GPR141: variants seen among roughly 807,000 people sequenced by gnomAD.
GPR141 encodes the protein probable G protein-coupled receptor 141.
In GPR141, 6 loss-of-function variants were observed where a neutral mutation model predicts 6.8. That is an observed-to-expected ratio of 0.88 (90% CI 0.48 to 1.74). The LOEUF is 1.74. Among genes scored for constraint, GPR141 ranks in the 40% most tolerant of loss-of-function variants. GPR141 has a pLI of 0.01. For synonymous variants in GPR141, 140 were observed against 142.3 expected (o/e 0.98, Z 0.11); for missense variants, 372 against 372.9 (o/e 1.00, Z 0.02).
chr7:37,712,314 G>A (rs1048019117), intron 2 of GPR141, among the ~76,000 whole-genome samples: 5 of 152,120 alleles, frequency 3.3e-5, no homozygotes, highest in African/African-American at 1.2e-4. Context: ...TCCTGGGCTG[G>A]CCTGAATCGG....
chr7:37,706,099 T>C (rs766846886), intron 2 of GPR141, among the ~76,000 whole-genome samples: 1 of 152,218 alleles, frequency 6.6e-6, no homozygotes, highest in Non-Finnish European at 1.5e-5. Flanking sequence ...ACTACAGGTC[T>C]TCTTCCTCCA....
At chr7:37,715,922 C>A (rs570213718) in intron 2 of GPR141, among the ~76,000 whole-genome samples, 1 of 152,230 alleles carries the variant, frequency 6.6e-6, no homozygotes, top group South Asian at 2.1e-4. Flanking sequence ...CTGATTAAAC[C>A]ACCATAAGCC....
intron 2 of GPR141, among the ~76,000 whole-genome samples, chr7:37,702,265 T>C (rs2131759266): frequency 6.6e-6 from 1 of 152,290 alleles, no homozygotes; most frequent in East Asian, 1.9e-4. Flanking sequence ...TTTTAGTTTT[T>C]TGTTTACTAT....
At chr7:37,720,607 G>T (rs190662301) in intron 2 of GPR141, among the ~76,000 whole-genome samples, 1 of 152,160 alleles carries the variant, frequency 6.6e-6, no homozygotes, top group East Asian at 1.9e-4. Flanking sequence ...CAGGGGTGGT[G>T]GTGGGCACCT....
chr7:37,717,894 G>A (rs1006882803), intron 2 of GPR141, among the ~76,000 whole-genome samples: 1 of 152,168 alleles, frequency 6.6e-6, no homozygotes, highest in Non-Finnish European at 1.5e-5. Flanking sequence ...TTGCTCATGA[G>A]TATAATTGTT....
intron 2 of GPR141, among the ~76,000 whole-genome samples, chr7:37,698,193 TC>T (rs1197197863): frequency 2.0e-5 from 3 of 152,174 alleles, no homozygotes; most frequent in Admixed American, 2.0e-4. Flanking sequence ...TCATCAAGCC[TC>T]AGCTTCTCAT....
At chr7:37,732,170 G>A (rs541521623) in intron 2 of GPR141, among the ~76,000 whole-genome samples, 109 of 134,422 alleles carry the variant, frequency 8.1e-4, no homozygotes, top group Admixed American at 4.7e-4. Flanking sequence ...TTGAGATGGA[G>A]TCTCACTCTG....
At chr7:37,737,076 A>C (rs772140158) in intron 2 of GPR141, among the ~76,000 whole-genome samples, 26 of 152,318 alleles carry the variant, frequency 1.7e-4, no homozygotes, top group Non-Finnish European at 1.9e-4. Context: ...CAACACACAC[A>C]TTTTAAATGT....
intron 2 of GPR141, among the ~76,000 whole-genome samples, chr7:37,728,003 G>A (rs1192606323): frequency 1.3e-5 from 2 of 152,148 alleles, no homozygotes; most frequent in Non-Finnish European, 1.5e-5. Context: ...GTAATTCCCC[G>A]AATGTGCATC....
intron 2 of GPR141, among the ~76,000 whole-genome samples, chr7:37,731,616 C>CTT (rs59623964): frequency 4.0e-5 from 6 of 151,366 alleles, no homozygotes; most frequent in Admixed American, 2.0e-4. Flanking sequence ...GCTAATTTTT[C>CTT]TTTTTTTTTG....
intron 2 of GPR141, among the ~76,000 whole-genome samples, chr7:37,730,328 A>C (rs1811861487): frequency 6.6e-6 from 1 of 152,302 alleles, no homozygotes; most frequent in East Asian, 1.9e-4. Flanking sequence ...GGATCTCTAA[A>C]TAATAATAAC....
intron 2 of GPR141, among the ~76,000 whole-genome samples, chr7:37,690,039 A>C (rs567717097): frequency 6.6e-6 from 1 of 152,064 alleles, no homozygotes; most frequent in Non-Finnish European, 1.5e-5. Flanking sequence ...TTTTACAAAC[A>C]TCTCTCTTAA....
intron 2 of GPR141, among the ~76,000 whole-genome samples, chr7:37,709,269 T>A (rs1450808043): frequency 6.6e-6 from 1 of 152,236 alleles, no homozygotes; most frequent in East Asian, 1.9e-4. Flanking sequence ...TATATTTGGA[T>A]TATTTGGTAA....
intron 2 of GPR141, among the ~76,000 whole-genome samples, chr7:37,720,666 G>A (rs555238681): frequency 2.6e-5 from 4 of 151,492 alleles, no homozygotes; most frequent in South Asian, 2.1e-4. Context: ...GCGTGAACCC[G>A]GAAGGCGGAG....
At chr7:37,709,274 T>C (rs368874088) in intron 2 of GPR141, among the ~76,000 whole-genome samples, 11 of 152,242 alleles carry the variant, frequency 7.2e-5, no homozygotes, top group African/African-American at 2.7e-4. Context: ...TTGGATTATT[T>C]GGTAAAGATC....
At chr7:37,697,282 C>T (rs1810064455) in intron 2 of GPR141, among the ~76,000 whole-genome samples, 1 of 151,880 alleles carries the variant, frequency 6.6e-6, no homozygotes, top group South Asian at 2.1e-4. Context: ...GAGACATTTG[C>T]AGAAAAACAG....
intron 2 of GPR141, among the ~76,000 whole-genome samples, chr7:37,689,374 G>T (rs1809656823): frequency 1.3e-5 from 2 of 151,950 alleles, no homozygotes; most frequent in Admixed American, 1.3e-4. Flanking sequence ...ATCCTTGTCT[G>T]GTTTTGGAAA....
intron 2 of GPR141, among the ~76,000 whole-genome samples, chr7:37,686,034 T>C (rs76728741): frequency 0.15 from 23,445 of 152,064 alleles, 1,910 homozygotes; most frequent in East Asian, 0.24. Flanking sequence ...GGCCTCGCTC[T>C]GTCTCCAAGG....
intron 2 of GPR141, among the ~76,000 whole-genome samples, chr7:37,696,177 A>G (rs1353901878): frequency 6.6e-6 from 1 of 152,206 alleles, no homozygotes; most frequent in Non-Finnish European, 1.5e-5. Flanking sequence ...CTTAAAAATC[A>G]TTTATAATAA....
Sources: gnomAD v4.1 joint callset for allele counts (sites outside exome capture counted in the v4.1 genomes callset) on GRCh38, gnomAD v4.1.1 for gene constraint, MANE v1.5 for transcripts, NCBI Gene and HGNC (gene_info 2026-07-23, HGNC 2026-07-21) for gene names.